The following PIP5K1C variants were observed in gnomAD, a reference collection of about 807,000 sequenced individuals.
PIP5K1C encodes the protein phosphatidylinositol 4-phosphate 5-kinase type-1 gamma.
A neutral mutation model predicts 80.1 loss-of-function variants in PIP5K1C; 45 were observed. The ratio of observed to expected loss-of-function variants is 0.56; its 90% CI spans 0.44 to 0.72. PIP5K1C has a LOEUF of 0.72. Ranked by LOEUF, PIP5K1C falls within the 30% of genes least tolerant of loss-of-function variation. The pLI is 0.00. For missense variants in PIP5K1C, 753 were observed against 954.6 expected, an observed-to-expected ratio of 0.79 and a Z score of 2.78; for synonymous variants, 498 against 420.1, an observed-to-expected ratio of 1.19 and a Z score of -2.27.
In PIP5K1C at chr19:3,637,467, A is replaced by G. The variant is rs2033743068; in HGVS notation, c.1920+1417T>C. 1.3e-6 allele frequency: 2 copies of G among 1,535,426 alleles called. No individual in the cohort carries two copies. Among genetic ancestry groups the G allele is most frequent in the Admixed American group, 2.0e-5 (1 of 50,958 alleles). On this transcript the variant is annotated intron_variant, in intron 16 of 17. Transcript: ENST00000335312. The surrounding 1 kb of genome is among the most constrained non-coding windows in gnomAD (Gnocchi z 7.0). ...TCAGACACTGAGCTTCCGGCCGGGG[A>G]CCTGCGGCTCCCTGCTGCCCGAGGG...
rs536825153 is a variant in PIP5K1C, at chr19:3,668,606, G to A, written c.95-1253C>T. Among the ~76,000 whole-genome samples the A allele has an allele frequency of 1.8e-3, 279 of 152,308 alleles. 2 individuals are homozygous for A. The highest frequency in any genetic ancestry group is 6.3e-3 in the African/African-American group (260 of 41,566). ...GTTCTGGGGCTGGACTCCTGGCCTC[G>A]GAGCCCTGAGGTGGGAAGCGATGTC... On this transcript the variant is annotated intron_variant, in intron 1 of 17. Transcript: ENST00000335312.
intron 5 of PIP5K1C, among the ~76,000 whole-genome samples, chr19:3,658,959 C>G (rs563608941): frequency 7.4e-4 from 113 of 152,304 alleles, no homozygotes; most frequent in African/African-American, 2.5e-3. Context: ...CGCCGCTGAC[C>G]TTGGCCTCCT....
intron 3 of PIP5K1C, among the ~76,000 whole-genome samples, chr19:3,663,132 C>T (rs968676673): frequency 3.9e-5 from 6 of 152,320 alleles, no homozygotes; most frequent in African/African-American, 1.4e-4. Flanking sequence ...TCCCAAAGTG[C>T]TAGGATTCCA....
At position 3,644,112 on chromosome 19, in the gene PIP5K1C, G is replaced by A. The variant is rs761957037; in HGVS notation, c.1485C>T (p.Arg495=). 1.2e-6 allele frequency: 2 copies of A among 1,611,408 alleles called. No individual in the cohort carries two copies. The highest frequency in any genetic ancestry group is 3.3e-5 in the Admixed American group (2 of 60,024). Residue 495 remains arginine (R), a synonymous_variant, in exon 12 of 18, where the codon CGC becomes CGT. Coordinates refer to ENST00000335312, the MANE Select transcript of PIP5K1C (RefSeq NM_012398.3). ...EEAQYDLRGA[R]SYPTLEDEGR... is the part of the protein sequence containing the mutation. Reference sequence around the variant, plus strand: ...CTTCGTCCTCCAGCGTGGGGTAGCTGCGGGCCCCCCGCAGGTCGTACTGGG... The same window carrying A: ...CTTCGTCCTCCAGCGTGGGGTAGCTACGGGCCCCCCGCAGGTCGTACTGGG...
Position 3,637,354 on chromosome 19 carries a change from T to A in PIP5K1C, c.1920+1530A>T. The stretch of plus-strand genomic sequence containing the variant: ...ACCGAATGACATTCCCAGTGACGCA[T>A]GCAGCCCAGCGCCTGGTCCGGGGCC... On this transcript the variant is annotated intron_variant, in intron 16 of 17. Transcript: ENST00000335312. This position sits in a 1 kb window ranked among gnomAD's most constrained non-coding sequence, Gnocchi z 7.0. The A allele has an allele frequency of 6.5e-7, 1 of 1,535,068 alleles. No homozygotes were observed. The highest frequency in any genetic ancestry group is 8.7e-7 in the Non-Finnish European group (1 of 1,146,550).
Position 3,648,572 on chromosome 19 carries a change from G to T in PIP5K1C, c.1211+53C>A, listed in dbSNP as rs1480393164. ...GCTGCAGACCCGGGCGCCCACCTGT[G>T]GGACTGCAGACCCGGGGCGTCCACC... On this transcript the variant is annotated intron_variant, in intron 9 of 17. Coordinates refer to ENST00000335312, the MANE Select transcript of PIP5K1C (RefSeq NM_012398.3). This position sits in a 1 kb window ranked among gnomAD's most constrained non-coding sequence, Gnocchi z 4.3. 5 of 1,202,158 alleles carry T rather than the reference G, an allele frequency of 4.2e-6. No individual in the cohort carries two copies. The South Asian group carries it at 7.2e-5, about 17-fold the overall frequency. 74.5% of individuals were successfully genotyped at this position (1,202,158 alleles called of 1,614,324 possible). A position where few individuals can be genotyped will look rare whatever the true frequency, so the allele number is the denominator to read the frequency against.
intron 13 of PIP5K1C, 92 bp from the exon 14 acceptor site, chr19:3,643,031 C>T (rs2044968548): frequency 2.0e-6 from 3 of 1,506,446 alleles, no homozygotes; most frequent in African/African-American, 2.8e-5. Context: ...CCTACCTGCC[C>T]CCTGGCAGCC....
chr19:3,648,679 C>T lies in PIP5K1C; in HGVS notation c.1157G>A (p.Arg386His), dbSNP rs145110523. ...TMGGIPAVNG[R>H]GERLLLHIGI... Reference sequence around the variant, plus strand: ...AATGTGCAGCAGCAGCCGCTCCCCGCGGCCGTTCACAGCGGGGATCCCGCC... The same window carrying T: ...AATGTGCAGCAGCAGCCGCTCCCCGTGGCCGTTCACAGCGGGGATCCCGCC... The change falls in exon 9 of 18, where the codon CGC becomes CAC. Residue 386 changes from arginine (R) to histidine (H), a missense_variant. By Grantham distance (29) the Arg-to-His change is conservative (BLOSUM62 0). Around this residue, in one of 6 missense-constraint regions of PIP5K1C, gnomAD observed 114 missense variants for 152.4 expected, o/e 0.75. Coordinates refer to ENST00000335312, the MANE Select transcript of PIP5K1C (RefSeq NM_012398.3). This position sits in a 1 kb window ranked among gnomAD's most constrained non-coding sequence, Gnocchi z 4.3. The T allele has an allele frequency of 1.4e-4, 231 of 1,613,042 alleles. 1 individual carries two copies. The African/African-American group carries it at 2.6e-3, about 18-fold the overall frequency.
intron 1 of PIP5K1C, among the ~76,000 whole-genome samples, chr19:3,667,564 C>T (rs2035055048): frequency 6.6e-6 from 1 of 152,232 alleles, no homozygotes; most frequent in Admixed American, 6.5e-5. Context: ...GCCATGGTCA[C>T]CCTGGTTGGC....
chr19:3,678,801 GAAT>G (rs2035496868), intron 1 of PIP5K1C, among the ~76,000 whole-genome samples: 2 of 133,596 alleles, frequency 1.5e-5, no homozygotes, highest in African/African-American at 2.8e-5. Context: ...GAGGGATGGA[GAAT>G]GGAGGGATGG....
intron 8 of PIP5K1C, among the ~76,000 whole-genome samples, chr19:3,650,947 G>C (rs1490957231): frequency 6.6e-6 from 1 of 151,902 alleles, no homozygotes; most frequent in Non-Finnish European, 1.5e-5. Flanking sequence ...GCAGAGATGG[G>C]GTTTCACCAT....
Position 3,643,241 on chromosome 19 carries a change from AC to A in PIP5K1C, c.1649+1del. On this transcript the variant is annotated splice_donor_variant, in intron 13 of 17. Transcript: ENST00000335312. LOFTEE classifies it high-confidence loss of function. ...CACATGCACTGCGGATGCCTCGCCC[AC>A]CTGTACCGCGGCTGCTCCGACGTCT... is the stretch of plus-strand genomic sequence containing the variant. 1 of 1,613,188 alleles carries A rather than the reference AC, an allele frequency of 6.2e-7. No homozygotes were observed. The highest frequency in any genetic ancestry group is 1.1e-5 in the South Asian group (1 of 91,072).
chr19:3,646,155 C>A, intron 10 of PIP5K1C, 97 bp from the exon 11 acceptor site: 1 of 776,022 alleles, frequency 1.3e-6, no homozygotes, highest in Non-Finnish European at 2.3e-6. Context: ...GTGGGGGGCA[C>A]CTTCTGTGTG....
In PIP5K1C at chr19:3,688,279, C is replaced by G. The variant is rs1170829622; in HGVS notation, c.94+12018G>C. ...GCGTCCCTCCGGGGAGTACAGTGTC[C>G]CTGAAGGGAATTCCTTCCAGAGCCT... On this transcript the variant is annotated intron_variant, in intron 1 of 17. Transcript: ENST00000335312. This position sits in a 1 kb window ranked among gnomAD's most constrained non-coding sequence, Gnocchi z 5.3. Among the ~76,000 whole-genome samples, 1 of 152,218 alleles carries G rather than the reference C, an allele frequency of 6.6e-6. No individual in the cohort carries two copies. Among genetic ancestry groups the G allele is most frequent in the Non-Finnish European group, 1.5e-5 (1 of 68,036 alleles).
chr19:3,676,530 C>T (rs887345984), intron 1 of PIP5K1C, among the ~76,000 whole-genome samples: 13 of 152,332 alleles, frequency 8.5e-5, no homozygotes, highest in South Asian at 2.1e-4. Context: ...CTGGCACACT[C>T]GCCTCTGCCT....
chr19:3,643,600 C>G (rs1366192391), intron 12 of PIP5K1C, among the ~76,000 whole-genome samples: 2 of 152,138 alleles, frequency 1.3e-5, no homozygotes, highest in African/African-American at 4.8e-5. Flanking sequence ...CCCAGAGGGC[C>G]CTGTGCAGCC....
intron 15 of PIP5K1C, among the ~76,000 whole-genome samples, chr19:3,641,437 T>C (rs1262955434): frequency 6.6e-6 from 1 of 152,046 alleles, no homozygotes; most frequent in Non-Finnish European, 1.5e-5. Context: ...GTCCCTGGCC[T>C]CCACCCACTC....
Position 3,644,076 on chromosome 19 carries a change from C to CT in PIP5K1C, c.1510+10dup, listed in dbSNP as rs768880735. 9.9e-6 allele frequency: 16 copies of CT among 1,610,148 alleles called. No homozygotes were observed. The highest frequency in any genetic ancestry group is 1.4e-5 in the Non-Finnish European group (16 of 1,179,814). On this transcript the variant is annotated intron_variant, in intron 12 of 17. Transcript: ENST00000335312. ...AGCGCCCACAAGCGCACTCTGCCCT[C>CT]TGCCCCTCACCTTCGTCCTCCAGCG...
intron 3 of PIP5K1C, among the ~76,000 whole-genome samples, chr19:3,664,279 T>C (rs922115725): frequency 1.3e-5 from 2 of 152,196 alleles, no homozygotes; most frequent in African/African-American, 4.8e-5. Context: ...TGTTCTGGAA[T>C]TAGAGGTGAC....
Sources: gnomAD v4.1 joint callset for allele counts (sites outside exome capture counted in the v4.1 genomes callset) on GRCh38, gnomAD v4.1.1 for gene constraint, gnomAD v4.1.1 regional missense constraint, Gnocchi (gnomAD v3.1) non-coding constraint, MANE v1.5 for transcripts, NCBI Gene and HGNC (gene_info 2026-07-23, HGNC 2026-07-21) for gene names.